The following AUTS2 variants were observed in gnomAD, a reference collection of about 807,000 sequenced individuals.
AUTS2 encodes the protein activator of transcription and developmental regulator AUTS2.
AUTS2 carries 17 observed loss-of-function variants against 112.4 expected under a neutral mutation model. The ratio of observed to expected loss-of-function variants is 0.15; its 90% CI spans 0.10 to 0.23. The LOEUF is 0.23. AUTS2 is among the 10% of genes least tolerant of loss of function. The pLI is 1.00. For missense variants in AUTS2, 1,510 were observed against 1,701.6 expected, an observed-to-expected ratio of 0.89 and a Z score of 1.98; for synonymous variants, 751 against 702.7, an observed-to-expected ratio of 1.07 and a Z score of -1.09.
intron 1 of AUTS2, among the ~76,000 whole-genome samples, chr7:69,624,748 A>G (rs962330730): frequency 3.9e-5 from 6 of 152,190 alleles, no homozygotes; most frequent in African/African-American, 1.2e-4. Flanking sequence ...CAAGACTCCA[A>G]TCACCCTGCT....
chr7:70,094,848 G>T (rs1200347272), intron 2 of AUTS2, among the ~76,000 whole-genome samples: 2 of 152,136 alleles, frequency 1.3e-5, no homozygotes, highest in Non-Finnish European at 1.5e-5. Context: ...AAATGCAGTG[G>T]TAGCTTAGAG....
intron 4 of AUTS2, among the ~76,000 whole-genome samples, chr7:70,139,269 A>G (rs1245433635): frequency 6.6e-6 from 1 of 152,164 alleles, no homozygotes; most frequent in Non-Finnish European, 1.5e-5. Flanking sequence ...GCCTGGCTGT[A>G]TAACTTCTAA....
At chr7:70,788,139 T>TC (rs1791637285) in intron 18 of AUTS2, among the ~76,000 whole-genome samples, 1 of 152,192 alleles carries the variant, frequency 6.6e-6, no homozygotes. Context: ...TGTCTTTTTT[T>TC]TTTTCTTTCT....
chr7:70,604,271 A>C (rs1037892004), intron 5 of AUTS2, among the ~76,000 whole-genome samples: 1 of 152,190 alleles, frequency 6.6e-6, no homozygotes, highest in African/African-American at 2.4e-5. Flanking sequence ...GCTCTCCTCC[A>C]GGCTGGTGAT....
intron 5 of AUTS2, among the ~76,000 whole-genome samples, chr7:70,625,816 T>C (rs748982454): frequency 2.6e-5 from 4 of 152,370 alleles, no homozygotes; most frequent in East Asian, 3.9e-4. Context: ...AGTGTTTTAA[T>C]TGGTGGTTTT....
intron 5 of AUTS2, among the ~76,000 whole-genome samples, chr7:70,495,125 C>A (rs1263805210): frequency 6.6e-6 from 1 of 151,384 alleles, no homozygotes; most frequent in Admixed American, 6.6e-5. Context: ...TGGTCTCGTG[C>A]CGACCCTAGT....
rs142703669 is a variant in AUTS2 at position 70,296,180 on chromosome 7, C to G, written c.661-139572C>G. Reference sequence around the variant, plus strand: ...CTCTTTAGGCCTTTGGTATTCCTGTCTTAGTTGTTGTAAGAGTAGATTTCG... The same window carrying G: ...CTCTTTAGGCCTTTGGTATTCCTGTGTTAGTTGTTGTAAGAGTAGATTTCG... On this transcript the variant is annotated intron_variant, in intron 4 of 18. Coordinates refer to ENST00000342771, the MANE Select transcript of AUTS2 (RefSeq NM_015570.4). 2.9e-3 allele frequency among the ~76,000 whole-genome samples: 446 copies of G among 152,236 alleles called. 2 individuals carry two copies. The highest frequency in any genetic ancestry group is 0.01 in the African/African-American group (429 of 41,532).
chr7:70,377,350 A>G (rs1298326889), intron 4 of AUTS2, among the ~76,000 whole-genome samples: 1 of 114,782 alleles, frequency 8.7e-6, no homozygotes, highest in African/African-American at 3.4e-5. Context: ...ATATATATAT[A>G]TATATATATA....
chr7:70,010,533 C>T (rs909401956), intron 2 of AUTS2, among the ~76,000 whole-genome samples: 1 of 152,198 alleles, frequency 6.6e-6, no homozygotes, highest in Non-Finnish European at 1.5e-5. Context: ...GCCACTCCAT[C>T]CCCCTTGATG....
At chr7:70,235,001 AT>A (rs1275975497) in intron 4 of AUTS2, among the ~76,000 whole-genome samples, 3 of 152,168 alleles carry the variant, frequency 2.0e-5, no homozygotes, top group Non-Finnish European at 2.9e-5. Context: ...CACATAAAAG[AT>A]TCACTAGCTA....
chr7:70,421,249 TA>T (rs1249102241), intron 4 of AUTS2, among the ~76,000 whole-genome samples: 1 of 152,218 alleles, frequency 6.6e-6, no homozygotes, highest in Non-Finnish European at 1.5e-5. Flanking sequence ...AAAAGGTATT[TA>T]GAAAATATTA....
intron 1 of AUTS2, among the ~76,000 whole-genome samples, chr7:69,680,783 C>T (rs938972172): frequency 6.6e-6 from 1 of 152,174 alleles, no homozygotes; most frequent in Non-Finnish European, 1.5e-5. Flanking sequence ...GATTCTCCTG[C>T]CTCACCCTCC....
chr7:70,099,211 G>A (rs1804358913), intron 2 of AUTS2, among the ~76,000 whole-genome samples: 1 of 152,040 alleles, frequency 6.6e-6, no homozygotes, highest in Admixed American at 6.6e-5. Context: ...CACAAAACTA[G>A]GAGAAGGAAG....
chr7:70,714,547 C>T (rs375213180), intron 6 of AUTS2, among the ~76,000 whole-genome samples: 81 of 152,308 alleles, frequency 5.3e-4, no homozygotes, highest in East Asian at 5.2e-3. Context: ...GGTCATTTTA[C>T]GTGATCTGTG....
chr7:69,747,371 T>TGTA (rs1787539261), intron 1 of AUTS2, among the ~76,000 whole-genome samples: 3 of 152,210 alleles, frequency 2.0e-5, no homozygotes, highest in Admixed American at 2.0e-4. Flanking sequence ...GGATATGGCA[T>TGTA]ATACAGTGAT....
intron 5 of AUTS2, among the ~76,000 whole-genome samples, chr7:70,563,196 T>C (rs17141749): frequency 0.01 from 1,581 of 152,254 alleles, 19 homozygotes; most frequent in African/African-American, 0.036. Context: ...TCATTGAAGA[T>C]TGGACTTAGA....
At chr7:69,624,549 A>G (rs1400131205) in intron 1 of AUTS2, among the ~76,000 whole-genome samples, 1 of 152,238 alleles carries the variant, frequency 6.6e-6, no homozygotes, top group Non-Finnish European at 1.5e-5. Flanking sequence ...AAAGGACCTC[A>G]AGCAAACCCT....
chr7:70,403,116 C>G lies in AUTS2; in HGVS notation c.661-32636C>G, dbSNP rs191020250. ...ACCAGGATTTTACGGGAAAGGTACC[C>G]TAGCCCCCTTTTTTACAAGTGAACT... On this transcript the variant is annotated intron_variant, in intron 4 of 18. Coordinates refer to ENST00000342771, the MANE Select transcript of AUTS2 (RefSeq NM_015570.4). Among the ~76,000 whole-genome samples, 483 of 152,308 alleles carry G rather than the reference C, an allele frequency of 3.2e-3. 3 individuals carry two copies. The highest frequency in any genetic ancestry group is 3.4e-3 in the Non-Finnish European group (229 of 68,026).
intron 4 of AUTS2, among the ~76,000 whole-genome samples, chr7:70,426,087 C>G (rs1795426125): frequency 6.6e-6 from 1 of 152,144 alleles, no homozygotes; most frequent in Non-Finnish European, 1.5e-5. Context: ...GTGTACAGTA[C>G]AGGCAGGCTT....
Sources: gnomAD v4.1 joint callset for allele counts (sites outside exome capture counted in the v4.1 genomes callset) on GRCh38, gnomAD v4.1.1 for gene constraint, MANE v1.5 for transcripts, NCBI Gene and HGNC (gene_info 2026-07-23, HGNC 2026-07-21) for gene names.